Variants in THADA observed in about 807,000 individuals in gnomAD.
THADA encodes the protein tRNA (32-2'-O)-methyltransferase regulator THADA.
Under a neutral mutation model 219.8 loss-of-function variants are expected in THADA, and 213 were observed. The observed-to-expected ratio is 0.97, with a 90% CI of 0.87 to 1.09. THADA has a LOEUF of 1.09. THADA is among the 50% of genes least tolerant of loss of function. THADA has a pLI of 0.00. For missense variants in THADA, 2,956 were observed against 2,311.3 expected, an observed-to-expected ratio of 1.28 and a Z score of -5.72; for synonymous variants, 1,018 against 828.9, an observed-to-expected ratio of 1.23 and a Z score of -3.92.
chr2:43,570,533 G>C (rs765689893), intron 13 of THADA, 23 bp from the exon 14 acceptor site: 2 of 1,594,652 alleles, frequency 1.3e-6, no homozygotes, highest in East Asian at 2.2e-5. Context: ...AGGAAATGAA[G>C]CACAGGTGAG....
rs139574795 is a variant in THADA at position 43,382,782 on chromosome 2, G to A, written c.4227+15189C>T. ...GAGCTTTTGACACACTGCTTATAAAGTGACAGATTAAGCAGGTTTTAAAAA... is the reference window on the plus strand; with the variant it reads ...GAGCTTTTGACACACTGCTTATAAAATGACAGATTAAGCAGGTTTTAAAAA... On this transcript the variant is annotated intron_variant, in intron 29 of 37. Transcript: ENST00000405975. Among the ~76,000 whole-genome samples the A allele has an allele frequency of 4.9e-3, 742 of 152,270 alleles. 4 individuals carry two copies. The highest frequency in any genetic ancestry group is 0.017 in the African/African-American group (707 of 41,558).
chr2:43,289,385 CATG>C (rs1674423034), intron 34 of THADA, among the ~76,000 whole-genome samples: 1 of 152,236 alleles, frequency 6.6e-6, no homozygotes, highest in Admixed American at 6.5e-5. Context: ...ACGCAACTAA[CATG>C]ATGAGTATTT....
At chr2:43,235,649 A>G (rs1667953077) in intron 36 of THADA, among the ~76,000 whole-genome samples, 1 of 152,114 alleles carries the variant, frequency 6.6e-6, no homozygotes, top group Admixed American at 6.5e-5. Flanking sequence ...AACAGGGAAG[A>G]AAAAAATTTC....
chr2:43,436,424 C>T (rs1342411454), intron 26 of THADA, among the ~76,000 whole-genome samples: 1 of 152,154 alleles, frequency 6.6e-6, no homozygotes, highest in Non-Finnish European at 1.5e-5. Context: ...TTAAATTTAA[C>T]CAACTGCTGG....
At chr2:43,442,138 G>A (rs1680915374) in intron 26 of THADA, among the ~76,000 whole-genome samples, 1 of 152,056 alleles carries the variant, frequency 6.6e-6, no homozygotes, top group South Asian at 2.1e-4. Flanking sequence ...AGTTTTGTGG[G>A]GAAATTGGAA....
At chr2:43,537,222 T>C (rs1694723565) in intron 21 of THADA, among the ~76,000 whole-genome samples, 1 of 152,278 alleles carries the variant, frequency 6.6e-6, no homozygotes, top group Non-Finnish European at 1.5e-5. Context: ...AGAATGTTTA[T>C]TCTTTGCTTT....
At position 43,541,337 on chromosome 2, in the gene THADA, A is replaced by G. The variant is rs768420114; in HGVS notation, c.3107-21T>C. On this transcript the variant is annotated intron_variant, in intron 20 of 37. Transcript: ENST00000405975. Reference sequence around the variant, plus strand: ...TTTACCTTAAACAAAAAAAAACACAACGATTGCAACCTTGATTACTCATAT... The same window carrying G: ...TTTACCTTAAACAAAAAAAAACACAGCGATTGCAACCTTGATTACTCATAT... 96 of 1,610,872 alleles carry G rather than the reference A, an allele frequency of 6.0e-5. No homozygotes were observed. The South Asian group carries it at 6.0e-4, about 10-fold the overall frequency.
chr2:43,580,258 C>G (rs902241696), intron 8 of THADA, among the ~76,000 whole-genome samples: 4 of 151,856 alleles, frequency 2.6e-5, no homozygotes, highest in African/African-American at 9.7e-5. Context: ...CCAGAATGGT[C>G]TCAATCTCCT....
chr2:43,483,845 C>T (rs1686549136), intron 26 of THADA, among the ~76,000 whole-genome samples: 1 of 151,722 alleles, frequency 6.6e-6, no homozygotes, highest in Non-Finnish European at 1.5e-5. Flanking sequence ...ATTAATTTTA[C>T]TTGTTTGATG....
rs1267539516 is a variant in THADA, at chr2:43,231,020, T to C, written c.5790A>G (p.Leu1930=). 2 of 1,613,798 alleles carry C rather than the reference T, an allele frequency of 1.2e-6. No homozygotes were observed. Among genetic ancestry groups the C allele is most frequent in the Admixed American group, 1.7e-5 (1 of 59,990 alleles). ...FLEGKEGEDT[L]VLSVWDSYAE... ...CATAAGAGTCCCAAACACTGAGAAC[T>C]AGGGTGTCTTCCCCTTCCTTTCCTT... Residue 1930 remains leucine, a synonymous_variant, in exon 38 of 38, where the codon CTA becomes CTG. Coordinates refer to ENST00000405975, the MANE Select transcript of THADA (RefSeq NM_022065.5).
At chr2:43,242,370 A>C (rs1445442198) in intron 36 of THADA, among the ~76,000 whole-genome samples, 1 of 152,252 alleles carries the variant, frequency 6.6e-6, no homozygotes, top group Non-Finnish European at 1.5e-5. Flanking sequence ...TTTATACTCA[A>C]GGTGACTGAC....
intron 28 of THADA, among the ~76,000 whole-genome samples, chr2:43,423,113 C>T (rs1677933683): frequency 1.3e-5 from 2 of 152,174 alleles, no homozygotes; most frequent in Non-Finnish European, 2.9e-5. Flanking sequence ...CTCAATTTCA[C>T]CCCTTTCCTC....
intron 26 of THADA, among the ~76,000 whole-genome samples, chr2:43,446,537 T>G (rs1323055853): frequency 6.6e-6 from 1 of 152,172 alleles, no homozygotes; most frequent in Non-Finnish European, 1.5e-5. Context: ...GTTGGTTCTA[T>G]CAGCCCCAGC....
At chr2:43,510,384 G>C (rs912932649) in intron 22 of THADA, among the ~76,000 whole-genome samples, 1 of 151,918 alleles carries the variant, frequency 6.6e-6, no homozygotes, top group Non-Finnish European at 1.5e-5. Context: ...AAATACACAC[G>C]TTTATGTGTT....
intron 26 of THADA, among the ~76,000 whole-genome samples, chr2:43,446,054 T>C (rs1187032404): frequency 6.6e-6 from 1 of 152,206 alleles, no homozygotes; most frequent in Non-Finnish European, 1.5e-5. Context: ...AGTTGGTGAG[T>C]AAATATCAAT....
intron 29 of THADA, among the ~76,000 whole-genome samples, chr2:43,388,743 TATG>T (rs1672995744): frequency 6.6e-6 from 1 of 152,206 alleles, no homozygotes; most frequent in South Asian, 2.1e-4. Context: ...CTCTGTGAAA[TATG>T]ATAACACATA....
At chr2:43,445,697 G>C (rs992677899) in intron 26 of THADA, among the ~76,000 whole-genome samples, 3 of 152,168 alleles carry the variant, frequency 2.0e-5, no homozygotes, top group Non-Finnish European at 4.4e-5. Flanking sequence ...TTTTGAGACA[G>C]AGTCTTGCTC....
At chr2:43,461,695 G>A (rs555507451) in intron 26 of THADA, among the ~76,000 whole-genome samples, 4 of 152,196 alleles carry the variant, frequency 2.6e-5, no homozygotes, top group Non-Finnish European at 5.9e-5. Flanking sequence ...GTTGTCCCTT[G>A]TGCATCGTTT....
At chr2:43,344,847 T>C (rs1161179875) in intron 29 of THADA, among the ~76,000 whole-genome samples, 1 of 151,990 alleles carries the variant, frequency 6.6e-6, no homozygotes, top group Non-Finnish European at 1.5e-5. Context: ...TATACAAGGA[T>C]ACTCGTGTAT....
Sources: allele counts gnomAD v4.1 joint callset (sites outside exome capture counted in the v4.1 genomes callset), GRCh38; gene constraint gnomAD v4.1.1; transcripts MANE v1.5; gene names NCBI Gene and HGNC (gene_info 2026-07-23, HGNC 2026-07-21).